The following JCAD variants were observed in gnomAD, a reference collection of about 807,000 sequenced individuals.
JCAD encodes junctional cadherin 5-associated protein.
Under a neutral mutation model 98.0 loss-of-function variants are expected in JCAD, and 40 were observed. The observed-to-expected ratio is 0.41, with a 90% CI of 0.32 to 0.53. The LOEUF (loss-of-function observed/expected upper bound fraction) is 0.53. JCAD is among the 20% of genes least tolerant of loss of function. The pLI is 0.31. For synonymous variants in JCAD, 691 were observed against 682.3 expected (o/e 1.01, Z -0.20); for missense variants, 1,705 against 1,738.1 (o/e 0.98, Z 0.34).
At chr10:30,094,279 TAAAA>T (rs79009660) in intron 1 of JCAD, among the ~76,000 whole-genome samples, 1 of 144,298 alleles carries the variant, frequency 6.9e-6, no homozygotes, top group Admixed American at 6.9e-5. Context: ...CTGTCTCTAC[TAAAA>T]AAAAAAAAAT....
intron 2 of JCAD, among the ~76,000 whole-genome samples, chr10:30,067,316 A>C (rs1225874216): frequency 6.6e-6 from 1 of 151,470 alleles, no homozygotes; most frequent in East Asian, 1.9e-4. Flanking sequence ...GATGAGAACT[A>C]CCTTTTTTCT....
chr10:30,070,015 G>A (rs1459130199), intron 1 of JCAD, among the ~76,000 whole-genome samples: 4 of 152,026 alleles, frequency 2.6e-5, no homozygotes, highest in Non-Finnish European at 4.4e-5. Context: ...CAAGCAGATG[G>A]CATGCTATTT....
chr10:30,097,765 AAAAT>A (rs903288547), intron 1 of JCAD, among the ~76,000 whole-genome samples: 2 of 152,156 alleles, frequency 1.3e-5, no homozygotes, highest in Non-Finnish European at 2.9e-5. Context: ...TCCGTCTCAA[AAAAT>A]AAATAAATAA....
At chr10:30,066,960 G>A (rs1280635557) in intron 2 of JCAD, among the ~76,000 whole-genome samples, 1 of 152,082 alleles carries the variant, frequency 6.6e-6, no homozygotes, top group Non-Finnish European at 1.5e-5. Flanking sequence ...TGGCATCACT[G>A]CACTCCAGCC....
In JCAD at chr10:30,092,697, C is replaced by T. The variant is rs141166617; in HGVS notation, n.128+22670G>A. Among the ~76,000 whole-genome samples the T allele has an allele frequency of 2.5e-3, 381 of 152,174 alleles. 3 individuals carry two copies. Among genetic ancestry groups the T allele is most frequent in the African/African-American group, 8.4e-3 (350 of 41,518 alleles). On this transcript the variant is annotated intron_variant and non_coding_transcript_variant, in intron 1 of 2. Transcript: ENST00000465712. ...GGATGCTTGGCATTGGGAGCTTTAA[C>T]GTTCCCAGCTTTGACTATCTTTGAA...
chr10:30,085,347 C>T (rs927247025), intron 1 of JCAD, among the ~76,000 whole-genome samples: 2 of 152,008 alleles, frequency 1.3e-5, no homozygotes, highest in East Asian at 1.9e-4. Flanking sequence ...ATGGTAAGTT[C>T]GTTCTTACCA....
intron 1 of JCAD, among the ~76,000 whole-genome samples, chr10:30,092,427 A>G (rs1246754758): frequency 1.3e-5 from 2 of 151,914 alleles, no homozygotes; most frequent in Non-Finnish European, 2.9e-5. Context: ...AGTTGTCAAA[A>G]CCATCACAAC....
At chr10:30,064,233 G>A (rs1022496529), upstream of JCAD, among the ~76,000 whole-genome samples, 1 of 151,244 alleles carries the variant, frequency 6.6e-6, no homozygotes, top group Non-Finnish European at 1.5e-5. Flanking sequence ...GGGAACTGGT[G>A]GCTTTATAAG....
chr10:30,021,192 G>A (rs531745848), intron 3 of JCAD, among the ~76,000 whole-genome samples: 9 of 152,230 alleles, frequency 5.9e-5, no homozygotes, highest in Admixed American at 3.9e-4. Context: ...AAATTATAAT[G>A]TGGGCCACAA....
At chr10:30,077,828 GT>G (rs1304095903) in intron 1 of JCAD, among the ~76,000 whole-genome samples, 1 of 152,322 alleles carries the variant, frequency 6.6e-6, no homozygotes, top group Admixed American at 6.5e-5. Context: ...ATGGACAAGA[GT>G]TTTCTCCACC....
chr10:30,044,768 T>C, intron 2 of JCAD: 9 of 981,344 alleles, frequency 9.2e-6, no homozygotes, highest in Non-Finnish European at 1.1e-5. Context: ...GAAAAACAAT[T>C]CTCCTTCATG....
At chr10:30,038,809 G>A (rs957911455) in intron 2 of JCAD, among the ~76,000 whole-genome samples, 4 of 152,098 alleles carry the variant, frequency 2.6e-5, no homozygotes, top group East Asian at 1.9e-4. Context: ...AGGTCCATGT[G>A]GAAGGAGAAG....
At position 30,029,855 on chromosome 10, in the gene JCAD, T is replaced by C. The variant is rs368793138; in HGVS notation, c.293A>G (p.Gln98Arg). ...ATGAGAGGACCATGCTGAGGGGGGT[T>C]GATTACAAAACCTACAAAACAAAGA... ...SRTSEAGFCN[Q>R]PPSAWSSHPP... is the part of the protein sequence containing the mutation. The change falls in exon 3 of 4, where the codon CAA becomes CGA. Residue 98 changes from glutamine (Q) to arginine (R), a missense_variant. Gln to Arg is a conservative substitution (Grantham distance 43). Around this residue, in one of 3 missense-constraint regions of JCAD, gnomAD observed 152 missense variants for 148.0 expected, o/e 1.03. Transcript: ENST00000375377. The C allele has an allele frequency of 3.8e-5, 61 of 1,613,494 alleles. No individual in the cohort carries two copies. The highest frequency in any genetic ancestry group is 8.4e-5 in the Admixed American group (5 of 59,866).
intron 1 of JCAD, among the ~76,000 whole-genome samples, chr10:30,079,165 G>T (rs1235718344): frequency 6.6e-6 from 1 of 151,982 alleles, no homozygotes; most frequent in Admixed American, 6.6e-5. Context: ...ATGAGACCAC[G>T]GTGAAACCCC....
chr10:30,046,767 TGCTGGAACACCCTGAATATCACA>T (rs747755648), intron 2 of JCAD, among the ~76,000 whole-genome samples: 7 of 152,192 alleles, frequency 4.6e-5, no homozygotes, highest in Non-Finnish European at 1.0e-4. Context: ...TGCTAAGTGC[TGCTGGAACACCCTGAATATCACA>T]GTGGAAACAA....
intron 1 of JCAD, among the ~76,000 whole-genome samples, chr10:30,050,747 C>G (rs1167616257): frequency 1.3e-5 from 2 of 152,172 alleles, no homozygotes; most frequent in Non-Finnish European, 2.9e-5. Context: ...TCGTAGTTAA[C>G]TGATTCTTCC....
intron 1 of JCAD, among the ~76,000 whole-genome samples, chr10:30,096,663 T>G (rs1453352238): frequency 1.3e-5 from 2 of 151,372 alleles, no homozygotes; most frequent in Non-Finnish European, 2.9e-5. Flanking sequence ...TGCCAACATC[T>G]CAGGTCCCTG....
chr10:30,091,157 A>T (rs1177211387), intron 1 of JCAD, among the ~76,000 whole-genome samples: 1 of 152,262 alleles, frequency 6.6e-6, no homozygotes, highest in Non-Finnish European at 1.5e-5. Context: ...CATCATTAAG[A>T]GATCACTAAA....
At chr10:30,072,630 G>A (rs1374265620) in intron 1 of JCAD, among the ~76,000 whole-genome samples, 1 of 151,728 alleles carries the variant, frequency 6.6e-6, no homozygotes, top group African/African-American at 2.4e-5. Flanking sequence ...GGAAGCTAGA[G>A]GTAGGGCCCA....
Sources: allele counts gnomAD v4.1 joint callset (sites outside exome capture counted in the v4.1 genomes callset), GRCh38; gene constraint gnomAD v4.1.1; regional missense constraint gnomAD v4.1.1; transcripts MANE v1.5; gene names NCBI Gene and HGNC (gene_info 2026-07-23, HGNC 2026-07-21).